The following SCAP variants were observed in gnomAD, a reference collection of about 807,000 sequenced individuals.
The protein encoded by SCAP is sterol regulatory element-binding protein cleavage-activating protein.
Under a neutral mutation model 123.6 loss-of-function variants are expected in SCAP, and 65 were observed. The observed-to-expected ratio is 0.53, with a 90% CI of 0.43 to 0.65. The LOEUF (loss-of-function observed/expected upper bound fraction) is 0.65. Ranked by LOEUF, SCAP falls within the 30% of genes least tolerant of loss-of-function variation. The pLI is 0.00. For synonymous variants in SCAP, 740 were observed against 726.3 expected, an observed-to-expected ratio of 1.02 and a Z score of -0.30; for missense variants, 1,398 against 1,712.5, an observed-to-expected ratio of 0.82 and a Z score of 3.24.
intron 1 of SCAP, among the ~76,000 whole-genome samples, chr3:47,470,958 T>TC (rs1171349995): frequency 1.3e-5 from 2 of 151,696 alleles, no homozygotes; most frequent in Non-Finnish European, 2.9e-5. Flanking sequence ...AATAAACTTC[T>TC]CCCCCCAAAA....
intron 3 of SCAP, among the ~76,000 whole-genome samples, chr3:47,431,473 T>C (rs1265366314): frequency 6.6e-6 from 1 of 151,944 alleles, no homozygotes; most frequent in African/African-American, 2.4e-5. Flanking sequence ...CAGGATCCCA[T>C]CCAGGAAACC....
At chr3:47,416,834 G>C (rs2107756231) in intron 18 of SCAP, among the ~76,000 whole-genome samples, 1 of 151,826 alleles carries the variant, frequency 6.6e-6, no homozygotes, top group East Asian at 1.9e-4. Context: ...CACCGTTTTA[G>C]CCGGGATGGT....
chr3:47,414,934 C>G lies in SCAP; in HGVS notation c.3199G>C (p.Ala1067Pro), dbSNP rs781565109. 2 of 1,612,218 alleles carry G rather than the reference C, an allele frequency of 1.2e-6. No individual in the cohort carries two copies. The highest frequency in any genetic ancestry group is 1.7e-6 in the Non-Finnish European group (2 of 1,179,520). The change falls in exon 20 of 23, where the codon GCC becomes CCC. Residue 1067 changes from alanine to proline, a missense_variant. By Grantham distance (27) the Ala-to-Pro change is conservative. Coordinates refer to ENST00000265565, the MANE Select transcript of SCAP (RefSeq NM_012235.4). Reference sequence around the variant, plus strand: ...GGCACTGTGTGGGTCAGGTGACAGGCCACTGTGTCGCTGCTGCTGTACACT... The same window carrying G: ...GGCACTGTGTGGGTCAGGTGACAGGGCACTGTGTCGCTGCTGCTGTACACT... Reference protein sequence around the residue: ...SPVYSSSDTVACHLTHTVPCA... With the variant: ...SPVYSSSDTVPCHLTHTVPCA...
Position 47,417,804 on chromosome 3 carries a change from C to G in SCAP, c.2470G>C (p.Val824Leu). ...RPGRQRRDSG[V>L]GSGLEAQESW... ...TCCTGAGCCTCAAGCCCGCTGCCCA[C>G]GCCACTGTCCCGGCGCTGCCTGCTG... Residue 824 changes from valine (V) to leucine (L), a missense_variant, in exon 17 of 23, where the codon GTG becomes CTG. Physicochemically the swap from Val to Leu is conservative, Grantham distance 32 (BLOSUM62 1). Transcript: ENST00000265565. 9 of 1,486,176 alleles carry G rather than the reference C, an allele frequency of 6.1e-6. No homozygotes were observed. Among genetic ancestry groups the G allele is most frequent in the Non-Finnish European group, 8.1e-6 (9 of 1,109,298 alleles). The allele number at this position is 1,486,176 out of a possible 1,614,324, so 92.1% of individuals were successfully genotyped here. A position where few individuals can be genotyped will look rare whatever the true frequency, so the allele number is the denominator to read the frequency against.
intron 1 of SCAP, among the ~76,000 whole-genome samples, chr3:47,472,233 A>T (rs1470064103): frequency 1.3e-5 from 2 of 151,722 alleles, no homozygotes; most frequent in Non-Finnish European, 2.9e-5. Flanking sequence ...GGAGATCGAG[A>T]CCATCCTGGC....
At chr3:47,472,303 G>A (rs1576323386) in intron 1 of SCAP, among the ~76,000 whole-genome samples, 2 of 150,704 alleles carry the variant, frequency 1.3e-5, no homozygotes, top group South Asian at 4.2e-4. Context: ...GCGCGGTGGC[G>A]GGCGCCTGTA....
Position 47,429,935 on chromosome 3 carries a change from G to C in SCAP, c.253-1265C>G, listed in dbSNP as rs767057163. 2.0e-5 allele frequency among the ~76,000 whole-genome samples: 3 copies of C among 152,156 alleles called. No homozygotes were observed. In the East Asian group the frequency reaches 5.8e-4, roughly 29 times the overall value. On this transcript the variant is annotated intron_variant, in intron 3 of 22. Transcript: ENST00000265565. Reference sequence around the variant, plus strand: ...GTTTTGTCACTTGCAGCAGAGTAGCGGGTTTTGAAGATCAAAGGACCCAAT... The same window carrying C: ...GTTTTGTCACTTGCAGCAGAGTAGCCGGTTTTGAAGATCAAAGGACCCAAT...
intron 1 of SCAP, among the ~76,000 whole-genome samples, chr3:47,462,216 T>G (rs895681433): frequency 3.9e-5 from 6 of 152,190 alleles, no homozygotes; most frequent in Non-Finnish European, 8.8e-5. Context: ...CCATCCATCT[T>G]TTTTATCTTC....
chr3:47,426,236 C>T (rs1489437281), intron 6 of SCAP, 67 bp from the exon 7 acceptor site: 2 of 1,504,402 alleles, frequency 1.3e-6, no homozygotes, highest in African/African-American at 2.8e-5. Context: ...AAGACAATCC[C>T]CGGACAGAGG....
chr3:47,469,405 A>G (rs1707953371), intron 1 of SCAP, among the ~76,000 whole-genome samples: 1 of 152,214 alleles, frequency 6.6e-6, no homozygotes, highest in South Asian at 2.1e-4. Context: ...TCGGTCACCC[A>G]GGCTGGAGTG....
intron 18 of SCAP, among the ~76,000 whole-genome samples, chr3:47,415,381 T>A (rs1001186485): frequency 4.6e-5 from 7 of 152,188 alleles, no homozygotes; most frequent in Non-Finnish European, 8.8e-5. Flanking sequence ...AGTTTCTTCA[T>A]CCGTAAAATG....
intron 1 of SCAP, among the ~76,000 whole-genome samples, chr3:47,462,579 C>G (rs1318310525): frequency 6.6e-6 from 1 of 151,894 alleles, no homozygotes; most frequent in Non-Finnish European, 1.5e-5. Flanking sequence ...CGGTGAAACC[C>G]CGTCTCTACT....
chr3:47,452,248 T>C (rs976160615), intron 1 of SCAP, among the ~76,000 whole-genome samples: 2 of 152,208 alleles, frequency 1.3e-5, no homozygotes, highest in Non-Finnish European at 2.9e-5. Context: ...GCATGTTAAA[T>C]TTTTATTAAA....
At chr3:47,421,767 G>A (rs1188506092) in intron 10 of SCAP, among the ~76,000 whole-genome samples, 2 of 152,224 alleles carry the variant, frequency 1.3e-5, no homozygotes, top group Non-Finnish European at 2.9e-5. Flanking sequence ...TCCCTCAGCT[G>A]GCCTGCCAGC....
rs1705708051 is a variant in SCAP at position 47,418,074 on chromosome 3, C to CGGGGGTGGGGTGA, written c.2447+59_2447+60insTCACCCCACCCCC. 5 of 1,169,336 alleles carry CGGGGGTGGGGTGA rather than the reference C, an allele frequency of 4.3e-6. No individual in the cohort carries two copies. In the African/African-American group the frequency reaches 1.2e-4, roughly 28 times the overall value. The allele number at this position is 1,169,336 out of a possible 1,614,324, so 72.4% of individuals were successfully genotyped here. The stretch of plus-strand genomic sequence containing the variant: ...AGAAAGGAGGGGAGATACGTGGCGG[C>CGGGGGTGGGGTGA]GGGGGGTGGGGTGAGGGGGGTTGTG... On this transcript the variant is annotated intron_variant, in intron 16 of 22. Coordinates refer to ENST00000265565, the MANE Select transcript of SCAP (RefSeq NM_012235.4).
intron 1 of SCAP, among the ~76,000 whole-genome samples, chr3:47,456,114 T>C (rs1191468437): frequency 1.3e-5 from 2 of 152,050 alleles, no homozygotes; most frequent in Admixed American, 1.3e-4. Context: ...CACATCAAAA[T>C]AAATTCCAAA....
intron 1 of SCAP, among the ~76,000 whole-genome samples, chr3:47,467,638 AC>A (rs2108019436): frequency 6.6e-6 from 1 of 152,222 alleles, no homozygotes; most frequent in Non-Finnish European, 1.5e-5. Flanking sequence ...CCAAACAACA[AC>A]AAAAAAGAAG....
Position 47,464,847 on chromosome 3 carries a change from T to C in SCAP, c.-99+10952A>G, listed in dbSNP as rs566987823. ...TAGTAAAATTATTTCCGTTCCTAGA[T>C]GACATGATCTTACATGTAGAAAACC... On this transcript the variant is annotated intron_variant, in intron 1 of 22. Transcript: ENST00000265565. Among the ~76,000 whole-genome samples, 7 of 152,308 alleles carry C rather than the reference T, an allele frequency of 4.6e-5. 1 individual carries two copies. Among genetic ancestry groups the C allele is most frequent in the African/African-American group, 1.7e-4 (7 of 41,570 alleles).
chr3:47,414,020 C>G lies in SCAP; in HGVS notation c.3674G>C (p.Trp1225Ser). 2 of 1,613,280 alleles carry G rather than the reference C, an allele frequency of 1.2e-6. No individual in the cohort carries two copies. The highest frequency in any genetic ancestry group is 1.7e-6 in the Non-Finnish European group (2 of 1,180,028). ...VTGGQGCVSF[W>S]DLNYGDLLQT... is the part of the protein sequence containing the mutation. ...TAACAGGTCCCCGTAGTTTAGGTCCCAAAAGGAGACACAGCCCTGGCCGCC... is the reference window on the plus strand; with the variant it reads ...TAACAGGTCCCCGTAGTTTAGGTCCGAAAAGGAGACACAGCCCTGGCCGCC... The change falls in exon 23 of 23, where the codon TGG (tryptophan) becomes TCG (serine). Residue 1225 changes from tryptophan to serine, a missense_variant. Physicochemically the swap from Trp to Ser is radical, Grantham distance 177. Around this residue, in one of 7 missense-constraint regions of SCAP, gnomAD observed 130 missense variants for 166.7 expected, o/e 0.78. Coordinates refer to ENST00000265565, the MANE Select transcript of SCAP (RefSeq NM_012235.4).
Sources: gnomAD v4.1 joint callset for allele counts (sites outside exome capture counted in the v4.1 genomes callset) on GRCh38, gnomAD v4.1.1 for gene constraint, gnomAD v4.1.1 regional missense constraint, MANE v1.5 for transcripts, NCBI Gene and HGNC (gene_info 2026-07-23, HGNC 2026-07-21) for gene names.